Variants in LPO observed in about 807,000 individuals in gnomAD.
The protein encoded by LPO is salivary peroxidase.
In LPO, 70 loss-of-function variants were observed where a neutral mutation model predicts 68.4. The ratio of observed to expected loss-of-function variants is 1.02; its 90% confidence interval spans 0.84 to 1.25. LPO has a LOEUF of 1.25. Among genes scored for constraint, LPO ranks in the 50% most tolerant of loss-of-function variants. LPO has a pLI of 0.00. For missense variants in LPO, 873 were observed against 908.4 expected, an observed-to-expected ratio of 0.96 and a Z score of 0.50; for synonymous variants, 360 against 357.6, an observed-to-expected ratio of 1.01 and a Z score of -0.08.
intron 11 of LPO, among the ~76,000 whole-genome samples, chr17:58,266,636 A>G (rs556982816): frequency 5.3e-5 from 8 of 150,996 alleles, no homozygotes; most frequent in African/African-American, 1.9e-4. Flanking sequence ...TTTTTTTTTT[A>G]AATATAGACA....
At chr17:58,263,752 C>T (rs1970212425) in intron 9 of LPO, among the ~76,000 whole-genome samples, 1 of 151,946 alleles carries the variant, frequency 6.6e-6, no homozygotes, top group South Asian at 2.1e-4. Context: ...AAAAAAAGCA[C>T]TTCATTTTAG....
intron 9 of LPO, among the ~76,000 whole-genome samples, chr17:58,263,501 G>T (rs1258687149): frequency 6.6e-6 from 1 of 152,198 alleles, no homozygotes; most frequent in Non-Finnish European, 1.5e-5. Flanking sequence ...CAATTTGGGA[G>T]GCCGAGGCGG....
chr17:58,242,640 C>G (rs1969778383), intron 1 of LPO, among the ~76,000 whole-genome samples: 1 of 152,220 alleles, frequency 6.6e-6, no homozygotes, highest in Non-Finnish European at 1.5e-5. Flanking sequence ...CACTTGGTCC[C>G]ACCTCCTCCC....
Position 58,252,523 on chromosome 17 carries a change from A to G in LPO, c.1105+17A>G. On this transcript the variant is annotated intron_variant, in intron 8 of 12. Transcript: ENST00000262290. ...TCCTGGCAGGTGAGTCTAGCCTGGGAACAGAAGGGCCCAAGGACAAGGGGA... is the reference window on the plus strand; with the variant it reads ...TCCTGGCAGGTGAGTCTAGCCTGGGGACAGAAGGGCCCAAGGACAAGGGGA... The G allele has an allele frequency of 6.2e-7, 1 of 1,603,720 alleles. No individual in the cohort carries two copies. Among genetic ancestry groups the G allele is most frequent in the South Asian group, 1.1e-5 (1 of 90,804 alleles).
chr17:58,264,139 C>T (rs577675092), intron 9 of LPO, among the ~76,000 whole-genome samples: 124 of 152,088 alleles, frequency 8.2e-4, no homozygotes, highest in African/African-American at 2.5e-3. Context: ...ATGTAAAAGT[C>T]GGTAACATAT....
At chr17:58,264,630 C>T in intron 9 of LPO, 92 bp from the exon 10 acceptor site, 3 of 1,386,690 alleles carry the variant, frequency 2.2e-6, no homozygotes, top group Non-Finnish European at 3.0e-6. Flanking sequence ...TTCAACAGCT[C>T]ATCACTCTTG....
At position 58,252,415 on chromosome 17, in the gene LPO, C is replaced by G. The variant is rs760073210; in HGVS notation, c.1014C>G (p.Asp338Glu). The G allele has an allele frequency of 6.2e-7, 1 of 1,613,620 alleles. No homozygotes were observed. Among genetic ancestry groups the G allele is most frequent in the East Asian group, 2.2e-5 (1 of 44,880 alleles). The change falls in exon 8 of 13, where the codon GAC becomes GAG. Residue 338 changes from aspartate to glutamate, a missense_variant. Transcript: ENST00000262290. ...TGGCTGTCAACCAGGAGGTCTCAGACCATGGACTACCCTACCTGCCCTATG... is the reference window on the plus strand; with the variant it reads ...TGGCTGTCAACCAGGAGGTCTCAGAGCATGGACTACCCTACCTGCCCTATG... ...GLMAVNQEVS[D>E]HGLPYLPYDS...
intron 9 of LPO, among the ~76,000 whole-genome samples, chr17:58,260,794 A>G (rs1157648412): frequency 6.6e-6 from 1 of 152,114 alleles, no homozygotes; most frequent in Non-Finnish European, 1.5e-5. Context: ...CCCTCTTAGC[A>G]CTGAGTTGAC....
chr17:58,239,541 G>A (rs1054667612), intron 1 of LPO, among the ~76,000 whole-genome samples: 2 of 152,072 alleles, frequency 1.3e-5, no homozygotes, highest in African/African-American at 2.4e-5. Flanking sequence ...TGTTCCTGCA[G>A]GTGATGGGGC....
chr17:58,249,006 G>C (rs1480757694), intron 4 of LPO, 54 bp from the exon 5 acceptor site: 1 of 1,368,636 alleles, frequency 7.3e-7, no homozygotes, highest in Non-Finnish European at 1.0e-6. Context: ...GCCTCCCACG[G>C]GTGCCTGTGA....
chr17:58,252,076 G>C (rs544610352), intron 7 of LPO, 106 bp from the exon 8 acceptor site: 6 of 988,276 alleles, frequency 6.1e-6, no homozygotes, highest in Non-Finnish European at 9.6e-6. Context: ...CAGGGTCCTA[G>C]GAGGGTGCCA....
chr17:58,258,890 A>C (rs930491936), intron 9 of LPO, among the ~76,000 whole-genome samples: 1 of 152,130 alleles, frequency 6.6e-6, no homozygotes, highest in African/African-American at 2.4e-5. Flanking sequence ...ATACTTGTTC[A>C]TATATTTTGC....
chr17:58,240,758 G>A (rs1238539928), intron 1 of LPO, among the ~76,000 whole-genome samples: 4 of 152,166 alleles, frequency 2.6e-5, no homozygotes, highest in Non-Finnish European at 5.9e-5. Flanking sequence ...CTATGATTTT[G>A]TCTTCCTCAG....
chr17:58,264,028 CAA>C (rs1368371568), intron 9 of LPO, among the ~76,000 whole-genome samples: 1 of 152,020 alleles, frequency 6.6e-6, no homozygotes, highest in African/African-American at 2.4e-5. Context: ...GGGTTAAGAG[CAA>C]AGAGACACAG....
chr17:58,264,474 A>G (rs1033741215), intron 9 of LPO, among the ~76,000 whole-genome samples: 7 of 152,226 alleles, frequency 4.6e-5, no homozygotes, highest in South Asian at 2.1e-4. Context: ...TCATATGCCA[A>G]ATTCAAATGA....
In LPO at chr17:58,268,110, C is replaced by T; in HGVS notation, c.*116C>T. 9.6e-7 allele frequency: 1 copy of T among 1,046,806 alleles called. No individual in the cohort carries two copies. Among genetic ancestry groups the T allele is most frequent in the Non-Finnish European group, 1.4e-6 (1 of 718,904 alleles). The allele number at this position is 1,046,806 out of a possible 1,614,324, so 64.8% of individuals were successfully genotyped here. A position where few individuals can be genotyped will look rare whatever the true frequency, so the allele number is the denominator to read the frequency against. ...GTCCCAGCCCTTCTTTGCAGCTGGGCCTCTCTATACCCCTGGATGAACAGC... is the reference window on the plus strand; with the variant it reads ...GTCCCAGCCCTTCTTTGCAGCTGGGTCTCTCTATACCCCTGGATGAACAGC... On this transcript the variant is annotated 3_prime_UTR_variant, in exon 13 of 13. Coordinates refer to ENST00000262290, the MANE Select transcript of LPO (RefSeq NM_006151.3).
Position 58,243,983 on chromosome 17 carries a change from C to A in LPO, c.77-11C>A. 6.2e-7 allele frequency: 1 copy of A among 1,609,934 alleles called. No individual in the cohort carries two copies. Among genetic ancestry groups the A allele is most frequent in the Non-Finnish European group, 8.5e-7 (1 of 1,176,354 alleles). ...GACACCCTACTTCCTGCTCCCCACT[C>A]CAACCCCAAGCGCAGACTACCAGAA... On this transcript the variant is annotated splice_polypyrimidine_tract_variant and intron_variant, in intron 2 of 12. Coordinates refer to ENST00000262290, the MANE Select transcript of LPO (RefSeq NM_006151.3).
intron 9 of LPO, among the ~76,000 whole-genome samples, chr17:58,259,345 G>A (rs1040247382): frequency 6.6e-6 from 1 of 152,080 alleles, no homozygotes; most frequent in Admixed American, 6.6e-5. Flanking sequence ...CTTATTGAAA[G>A]GCTATTGTTT....
At chr17:58,247,960 C>T (rs1336429679) in intron 4 of LPO, among the ~76,000 whole-genome samples, 1 of 152,228 alleles carries the variant, frequency 6.6e-6, no homozygotes, top group Non-Finnish European at 1.5e-5. Context: ...AGTCAATAAA[C>T]ATGGGTTCCT....
Sources: gnomAD v4.1 joint callset for allele counts (sites outside exome capture counted in the v4.1 genomes callset) on GRCh38, gnomAD v4.1.1 for gene constraint, MANE v1.5 for transcripts, NCBI Gene and HGNC (gene_info 2026-07-23, HGNC 2026-07-21) for gene names.